Variants in NFIB observed in about 807,000 individuals in gnomAD.
NFIB encodes the protein nuclear factor 1 B-type.
In NFIB, 11 loss-of-function variants were observed where a neutral mutation model predicts 61.5. That is an observed-to-expected ratio of 0.18 (90% CI 0.11 to 0.30). The LOEUF is 0.30. NFIB is among the 10% of genes least tolerant of loss of function. The pLI, the probability that NFIB is intolerant of heterozygous loss-of-function variation, is 1.00. For synonymous variants in NFIB, 260 were observed against 216.5 expected, an observed-to-expected ratio of 1.20 and a Z score of -1.76; for missense variants, 471 against 608.9, an observed-to-expected ratio of 0.77 and a Z score of 2.38.
At chr9:14,209,448 C>G (rs1448046772) in intron 2 of NFIB, among the ~76,000 whole-genome samples, 2 of 152,132 alleles carry the variant, frequency 1.3e-5, no homozygotes, top group Non-Finnish European at 2.9e-5. Context: ...CAATAAAATC[C>G]CACACTATGG....
chr9:14,476,916 G>C, the NFIB span, among the ~76,000 whole-genome samples: 1 of 152,106 alleles, frequency 6.6e-6, no homozygotes. Context: ...CATGTTTCAT[G>C]GATTATAGCT....
At chr9:14,498,406 A>C in the NFIB span, among the ~76,000 whole-genome samples, 1 of 152,242 alleles carries the variant, frequency 6.6e-6, no homozygotes, top group Non-Finnish European at 1.5e-5. Context: ...CAACTGTCCT[A>C]CTGGGTAGCG....
At chr9:14,483,856 CTT>C in the NFIB span, among the ~76,000 whole-genome samples, 2 of 152,160 alleles carry the variant, frequency 1.3e-5, no homozygotes, top group South Asian at 2.1e-4. Context: ...AAGAAATAAA[CTT>C]TAATGTTTCT....
intron 2 of NFIB, among the ~76,000 whole-genome samples, chr9:14,226,654 T>C (rs939888872): frequency 2.6e-5 from 4 of 151,920 alleles, no homozygotes; most frequent in Non-Finnish European, 4.4e-5. Flanking sequence ...GTCCAGATAA[T>C]TGCTAATCAC....
chr9:14,319,958 C>T lies in NFIB; in HGVS notation c.109-12438G>A, dbSNP rs893860801. On this transcript the variant is annotated intron_variant, in intron 1 of 8. Transcript: ENST00000380934. ...AAAATATATGTTCAGTAAACTTTAT[C>T]TCTGAGTGTATCTGAAATTTTAACT... Among the ~76,000 whole-genome samples, 14 of 152,272 alleles carry T rather than the reference C, an allele frequency of 9.2e-5. No homozygotes were observed. The South Asian group carries it at 1.5e-3, about 16-fold the overall frequency.
intron 2 of NFIB, among the ~76,000 whole-genome samples, chr9:14,272,928 T>C (rs765083285): frequency 2.6e-5 from 4 of 152,142 alleles, no homozygotes; most frequent in Non-Finnish European, 4.4e-5. Flanking sequence ...CAACTTAAGA[T>C]ATAAATCCAG....
intron 1 of NFIB, among the ~76,000 whole-genome samples, chr9:14,344,093 G>GGAGAGAGA (rs965359256): frequency 4.5e-5 from 6 of 134,010 alleles, no homozygotes; most frequent in African/African-American, 6.5e-5. Context: ...TTAAAGAGAG[G>GGAGAGAGA]GAGAGAGAGA....
At chr9:14,145,230 A>G (rs1191629522) in intron 6 of NFIB, among the ~76,000 whole-genome samples, 1 of 152,070 alleles carries the variant, frequency 6.6e-6, no homozygotes, top group African/African-American at 2.4e-5. Flanking sequence ...CACTGTGTCC[A>G]GCCACATGGC....
intron 2 of NFIB, among the ~76,000 whole-genome samples, chr9:14,227,549 A>T (rs2131893813): frequency 6.6e-6 from 1 of 152,340 alleles, no homozygotes; most frequent in East Asian, 1.9e-4. Context: ...ATTTTCCCTG[A>T]ACCTAAGTAA....
At chr9:14,103,890 A>G (rs543023221) in intron 10 of NFIB, among the ~76,000 whole-genome samples, 1 of 152,252 alleles carries the variant, frequency 6.6e-6, no homozygotes, top group South Asian at 2.1e-4. Flanking sequence ...GAAGTCATAA[A>G]TCAGTAAATA....
the NFIB span, among the ~76,000 whole-genome samples, chr9:14,463,174 T>A: frequency 2.0e-5 from 3 of 151,324 alleles, no homozygotes; most frequent in South Asian, 6.2e-4. Flanking sequence ...TTAATTATTT[T>A]ATTATTTTAT....
At position 14,308,325 on chromosome 9, in the gene NFIB, AAC is replaced by A. The variant is rs71321976; in HGVS notation, c.31-807_31-806del. Among the ~76,000 whole-genome samples the A allele has an allele frequency of 4.8e-3, 726 of 150,816 alleles. 3 individuals are homozygous for A. The highest frequency in any genetic ancestry group is 0.017 in the African/African-American group (692 of 41,216). On this transcript the variant is annotated intron_variant, in intron 1 of 10. Coordinates refer to ENST00000380953, the MANE Select transcript of NFIB (RefSeq NM_001190737.2). ...CCCCACACTACCAACGCCAGCTCCC[AAC>A]ACACACACACACACACTTGCACTCT...
intron 3 of NFIB, among the ~76,000 whole-genome samples, chr9:14,176,833 G>T (rs1199212303): frequency 6.6e-6 from 1 of 152,128 alleles, no homozygotes; most frequent in African/African-American, 2.4e-5. Flanking sequence ...GTAGGCATAT[G>T]CATCTGCACT....
chr9:14,409,604 A>C, the NFIB span, among the ~76,000 whole-genome samples: 2 of 152,322 alleles, frequency 1.3e-5, no homozygotes, highest in East Asian at 3.9e-4. Context: ...AACACTCCGA[A>C]GGCCAGCCAC....
At chr9:14,343,526 C>T (rs1406788885) in intron 1 of NFIB, among the ~76,000 whole-genome samples, 2 of 152,084 alleles carry the variant, frequency 1.3e-5, no homozygotes, top group African/African-American at 2.4e-5. Context: ...TGGCTGTTGG[C>T]AGGGATGCTG....
rs778888244 is a variant in NFIB at position 14,307,766 on chromosome 9, T to A, written c.31-246A>T. On this transcript the variant is annotated intron_variant, in intron 1 of 10. Transcript: ENST00000380953. This position sits in a 1 kb window ranked among gnomAD's most constrained non-coding sequence, Gnocchi z 5.3. ...TCTCCCTCCTATAAAGGAAATAAGG[T>A]TTATATTTTGTATTACACTCTGGCC... 5 of 389,846 alleles carry A rather than the reference T, an allele frequency of 1.3e-5. No homozygotes were observed. The highest frequency in any genetic ancestry group is 1.3e-4 in the Admixed American group (3 of 23,842). The allele number at this position is 389,846 out of a possible 1,614,324, so 24.1% of individuals were successfully genotyped here.
chr9:14,210,135 C>T (rs922184611), intron 2 of NFIB, among the ~76,000 whole-genome samples: 1 of 152,154 alleles, frequency 6.6e-6, no homozygotes, highest in African/African-American at 2.4e-5. Context: ...ACAATGCCAT[C>T]TGTTCTCATT....
At chr9:14,280,206 G>C (rs2058276505) in intron 2 of NFIB, among the ~76,000 whole-genome samples, 1 of 152,144 alleles carries the variant, frequency 6.6e-6, no homozygotes, top group Non-Finnish European at 1.5e-5. Context: ...TTAACAAAAT[G>C]CCTGTGTCCA....
In NFIB at chr9:14,113,028, T is replaced by A; in HGVS notation, c.1438A>T (p.Arg480Ter). ...TGCTGATGTAGGAAGGATGGGTCTCTTGGGCTTAGTCCCACATATCGATTG... is the reference window on the plus strand; with the variant it reads ...TGCTGATGTAGGAAGGATGGGTCTCATGGGCTTAGTCCCACATATCGATTG... ...QANRYVGLSP[R>*]DPSFLHQQQS... The change falls in exon 10 of 11, where the codon AGA (arginine) becomes TGA (stop). Residue 480 changes from arginine to a stop codon, truncating the protein, a stop_gained. Coordinates refer to ENST00000380953, the MANE Select transcript of NFIB (RefSeq NM_001190737.2). LOFTEE classifies it high-confidence loss of function. 6.4e-7 allele frequency: 1 copy of A among 1,550,394 alleles called. No individual in the cohort carries two copies. The highest frequency in any genetic ancestry group is 8.7e-7 in the Non-Finnish European group (1 of 1,146,874).
Sources: allele counts gnomAD v4.1 joint callset (sites outside exome capture counted in the v4.1 genomes callset), GRCh38; gene constraint gnomAD v4.1.1; non-coding constraint Gnocchi (gnomAD v3.1); transcripts MANE v1.5; gene names NCBI Gene and HGNC (gene_info 2026-07-23, HGNC 2026-07-21).